C8orf34: variants seen among roughly 807,000 people sequenced by gnomAD.
C8orf34 encodes chromosome 8 open reading frame 34.
In C8orf34, 65 loss-of-function variants were observed where a neutral mutation model predicts 68.3. The ratio of observed to expected loss-of-function variants is 0.95; its 90% CI spans 0.78 to 1.17. C8orf34 has a LOEUF of 1.17. C8orf34 is among the 50% of genes most tolerant of loss of function. The pLI, the probability that C8orf34 is intolerant of heterozygous loss-of-function variation, is 0.00. For missense variants in C8orf34, 664 were observed against 655.4 expected, an observed-to-expected ratio of 1.01 and a Z score of -0.14; for synonymous variants, 244 against 241.2, an observed-to-expected ratio of 1.01 and a Z score of -0.11.
At chr8:68,756,825 A>G (rs1379029104) in intron 10 of C8orf34, among the ~76,000 whole-genome samples, 1 of 152,184 alleles carries the variant, frequency 6.6e-6, no homozygotes. Flanking sequence ...GTGTTGATTG[A>G]TATGATTTTA....
intron 5 of C8orf34, 22 bp from the exon 6 acceptor site, chr8:68,521,777 C>G (rs562288509): frequency 1.9e-6 from 3 of 1,601,520 alleles, no homozygotes; most frequent in Non-Finnish European, 2.6e-6. Context: ...TCTAAGACAG[C>G]ATATTCTTTT....
chr8:68,690,503 A>T (rs1820655687), intron 8 of C8orf34, among the ~76,000 whole-genome samples: 1 of 151,956 alleles, frequency 6.6e-6, no homozygotes, highest in South Asian at 2.1e-4. Context: ...GCGCCAGGAG[A>T]TTCAATGTCT....
intron 7 of C8orf34, among the ~76,000 whole-genome samples, chr8:68,595,337 C>T (rs1232054099): frequency 6.6e-6 from 1 of 151,874 alleles, no homozygotes; most frequent in Non-Finnish European, 1.5e-5. Context: ...CTAAAAATAT[C>T]ATTTTAAAAT....
chr8:68,524,533 A>T lies in C8orf34; in HGVS notation c.938+2562A>T, dbSNP rs567919429. ...AAGCAGTTCAGAATTAAGAGTGCTT[A>T]AGAAAGAAATTAAAGCATTTGAGTA... is the stretch of plus-strand genomic sequence containing the variant. On this transcript the variant is annotated intron_variant, in intron 6 of 13. Coordinates refer to ENST00000518698, the MANE Select transcript of C8orf34 (RefSeq NM_052958.4). Among the ~76,000 whole-genome samples the T allele has an allele frequency of 1.7e-4, 26 of 152,326 alleles. No individual in the cohort carries two copies. The East Asian group carries it at 2.5e-3, about 15-fold the overall frequency.
chr8:68,446,260 CG>C, intron 2 of C8orf34, 68 bp from the exon 3 acceptor site: 2 of 1,331,572 alleles, frequency 1.5e-6, no homozygotes, highest in Non-Finnish European at 2.1e-6. Flanking sequence ...TTAATGACTT[CG>C]TGGACTTGGT....
chr8:68,411,116 T>A (rs1412587391), intron 1 of C8orf34, among the ~76,000 whole-genome samples: 1 of 152,194 alleles, frequency 6.6e-6, no homozygotes, highest in African/African-American at 2.4e-5. Flanking sequence ...CTTTAAGTAA[T>A]ACATTTTCTG....
intron 4 of C8orf34, among the ~76,000 whole-genome samples, chr8:68,469,840 CA>C (rs1161847900): frequency 6.7e-6 from 1 of 150,342 alleles, no homozygotes; most frequent in African/African-American, 2.5e-5. Context: ...TTATCAAAGG[CA>C]AACATTGTCT....
intron 10 of C8orf34, among the ~76,000 whole-genome samples, chr8:68,735,612 T>TA (rs11370857): frequency 0.63 from 95,346 of 151,884 alleles, 30,144 homozygotes; most frequent in African/African-American, 0.71. Context: ...CTCATAAAAT[T>TA]GATAGAGGAG....
chr8:68,661,136 G>A (rs1476525886), intron 8 of C8orf34, among the ~76,000 whole-genome samples: 1 of 152,194 alleles, frequency 6.6e-6, no homozygotes, highest in African/African-American at 2.4e-5. Context: ...CTGCCCTGGG[G>A]CATGGGCAGC....
At chr8:68,490,067 T>A (rs1286155629) in intron 5 of C8orf34, among the ~76,000 whole-genome samples, 1 of 152,106 alleles carries the variant, frequency 6.6e-6, no homozygotes, top group African/African-American at 2.4e-5. Flanking sequence ...GCTTTTCTAG[T>A]CCCCCCTCTG....
chr8:68,620,362 G>A (rs1818351373), intron 7 of C8orf34, among the ~76,000 whole-genome samples: 1 of 152,128 alleles, frequency 6.6e-6, no homozygotes, highest in South Asian at 2.1e-4. Context: ...AGAGGGTCTG[G>A]GAGTGAAGGT....
chr8:68,688,250 A>C (rs1296656665), intron 8 of C8orf34, among the ~76,000 whole-genome samples: 3 of 152,134 alleles, frequency 2.0e-5, no homozygotes, highest in Non-Finnish European at 4.4e-5. Flanking sequence ...CAATCCCACT[A>C]CTGGGTATCT....
chr8:68,641,726 A>C (rs909236261), intron 8 of C8orf34, among the ~76,000 whole-genome samples: 2 of 152,218 alleles, frequency 1.3e-5, no homozygotes, highest in Non-Finnish European at 2.9e-5. Context: ...TTTTCAAAAC[A>C]GAAAGTTTAT....
intron 8 of C8orf34, among the ~76,000 whole-genome samples, chr8:68,671,761 G>A (rs1820017817): frequency 6.6e-6 from 1 of 152,098 alleles, no homozygotes; most frequent in Admixed American, 6.6e-5. Context: ...TAAAATTGTG[G>A]TTTATTTCTT....
intron 5 of C8orf34, among the ~76,000 whole-genome samples, chr8:68,509,083 C>T (rs1264912332): frequency 6.6e-6 from 1 of 152,112 alleles, no homozygotes; most frequent in Non-Finnish European, 1.5e-5. Flanking sequence ...TTCTCATTCC[C>T]CCCTCTAAAG....
At chr8:68,516,620 C>CTATT (rs200892538) in intron 5 of C8orf34, among the ~76,000 whole-genome samples, 4,091 of 150,132 alleles carry the variant, frequency 0.027, 83 homozygotes, top group African/African-American at 0.054. Flanking sequence ...ACTGGGAATG[C>CTATT]TATTTATTTA....
At chr8:68,641,658 G>A (rs1819014997) in intron 8 of C8orf34, among the ~76,000 whole-genome samples, 2 of 152,194 alleles carry the variant, frequency 1.3e-5, no homozygotes, top group Non-Finnish European at 2.9e-5. Flanking sequence ...TTTGACTGGA[G>A]AGGGGTCGAT....
intron 7 of C8orf34, among the ~76,000 whole-genome samples, chr8:68,639,451 G>A (rs937932435): frequency 1.3e-5 from 2 of 151,802 alleles, no homozygotes; most frequent in Admixed American, 1.3e-4. Context: ...CAATTAAAAC[G>A]TGCAATCCTC....
At chr8:68,595,595 C>A (rs374044779) in intron 7 of C8orf34, among the ~76,000 whole-genome samples, 1 of 151,852 alleles carries the variant, frequency 6.6e-6, no homozygotes, top group Non-Finnish European at 1.5e-5. Flanking sequence ...TAGATATTCC[C>A]CTGATAAATC....
Sources: gnomAD v4.1 joint callset for allele counts (sites outside exome capture counted in the v4.1 genomes callset) on GRCh38, gnomAD v4.1.1 for gene constraint, MANE v1.5 for transcripts, NCBI Gene and HGNC (gene_info 2026-07-23, HGNC 2026-07-21) for gene names.